CNTNAP5: variants seen among roughly 807,000 people sequenced by gnomAD.
CNTNAP5 encodes contactin associated protein family member 5, also known as contactin-associated protein-like 5.
Under a neutral mutation model 150.2 loss-of-function variants are expected in CNTNAP5, and 72 were observed. The observed-to-expected ratio is 0.48, with a 90% CI of 0.40 to 0.58. The LOEUF (loss-of-function observed/expected upper bound fraction) is 0.58. Among genes scored for constraint, CNTNAP5 ranks in the 20% least tolerant of loss-of-function variants. The pLI, the probability that CNTNAP5 is intolerant of heterozygous loss-of-function variation, is 0.00. For synonymous variants in CNTNAP5, 672 were observed against 619.8 expected (o/e 1.08, Z -1.25); for missense variants, 1,636 against 1,626.2 (o/e 1.01, Z -0.10).
chr2:124,813,974 A>G (rs141467276), intron 19 of CNTNAP5, among the ~76,000 whole-genome samples: 38 of 152,070 alleles, frequency 2.5e-4, no homozygotes, highest in African/African-American at 8.4e-4. Flanking sequence ...CTTTTAATTC[A>G]TTCTCCATTC....
intron 19 of CNTNAP5, among the ~76,000 whole-genome samples, chr2:124,806,083 A>G (rs1187828938): frequency 7.2e-5 from 11 of 152,218 alleles, no homozygotes; most frequent in East Asian, 1.9e-4. Context: ...CCATGTGCTC[A>G]TGGTAGAAAA....
At chr2:124,828,879 C>A (rs780730190) in intron 19 of CNTNAP5, among the ~76,000 whole-genome samples, 2 of 150,586 alleles carry the variant, frequency 1.3e-5, no homozygotes, top group Non-Finnish European at 2.9e-5. Context: ...TGTCAGACTT[C>A]TCTGACACAG....
chr2:124,677,427 G>A (rs1293655143), intron 13 of CNTNAP5, among the ~76,000 whole-genome samples: 1 of 152,222 alleles, frequency 6.6e-6, no homozygotes, highest in Non-Finnish European at 1.5e-5. Context: ...ACCTGAGCAG[G>A]TTGCTGCTGC....
rs1189575085 is a variant in CNTNAP5, at chr2:124,626,138, TG to T, written c.1876+16219del. 1.1e-4 allele frequency among the ~76,000 whole-genome samples: 16 copies of T among 152,222 alleles called. No homozygotes were observed. In the East Asian group the frequency reaches 3.1e-3, roughly 29 times the overall value. On this transcript the variant is annotated intron_variant, in intron 12 of 23. Coordinates refer to ENST00000682447, the MANE Select transcript of CNTNAP5 (RefSeq NM_001367498.1). ...AGCCAACATCATAGAATGATCTAGATGCTAAAGGAATTTAGAGACAGGAATA... is the reference window on the plus strand; with the variant it reads ...AGCCAACATCATAGAATGATCTAGATCTAAAGGAATTTAGAGACAGGAATA...
At chr2:124,054,380 A>T (rs1341535151) in intron 1 of CNTNAP5, among the ~76,000 whole-genome samples, 1 of 152,120 alleles carries the variant, frequency 6.6e-6, no homozygotes, top group African/African-American at 2.4e-5. Flanking sequence ...ATTAGAGCTG[A>T]TGCACTCGGA....
intron 10 of CNTNAP5, among the ~76,000 whole-genome samples, chr2:124,528,572 A>G (rs1695031214): frequency 6.6e-6 from 1 of 152,222 alleles, no homozygotes; most frequent in East Asian, 1.9e-4. Flanking sequence ...TCATAGTGGC[A>G]TATAAAATAA....
intron 13 of CNTNAP5, among the ~76,000 whole-genome samples, chr2:124,729,747 C>T (rs1293461858): frequency 6.6e-6 from 1 of 152,076 alleles, no homozygotes; most frequent in Non-Finnish European, 1.5e-5. Flanking sequence ...AAAATAACCA[C>T]ACCCTCTATT....
At chr2:124,336,582 C>A (rs548211464) in intron 3 of CNTNAP5, among the ~76,000 whole-genome samples, 1 of 134,906 alleles carries the variant, frequency 7.4e-6, no homozygotes, top group Non-Finnish European at 1.6e-5. Context: ...TGTCCATGTG[C>A]TCTCATTGCT....
At chr2:124,190,975 A>G (rs965597827) in intron 1 of CNTNAP5, among the ~76,000 whole-genome samples, 9 of 152,194 alleles carry the variant, frequency 5.9e-5, no homozygotes, top group African/African-American at 2.2e-4. Flanking sequence ...TTATCTTGCA[A>G]AAGTAGATCC....
intron 13 of CNTNAP5, among the ~76,000 whole-genome samples, chr2:124,691,714 CAGTTTTCTTCAATTAG>C (rs1219187721): frequency 6.6e-6 from 1 of 152,014 alleles, no homozygotes; most frequent in Non-Finnish European, 1.5e-5. Context: ...TCAGTGGTCC[CAGTTTTCTTCAATTAG>C]ACCATGAACT....
Position 124,882,347 on chromosome 2 carries a change from G to C in CNTNAP5, c.3436+12585G>C, listed in dbSNP as rs76262980. Among the ~76,000 whole-genome samples, 104 of 152,198 alleles carry C rather than the reference G, an allele frequency of 6.8e-4. 1 individual carries two copies. In the East Asian group the frequency reaches 0.017, roughly 25 times the overall value. ...CCAGGTGTGCTGAGATGACAGGAGG[G>C]GGGTGTGGGATTGTTTATTCCCTTA... On this transcript the variant is annotated intron_variant, in intron 21 of 23. Transcript: ENST00000682447.
chr2:124,849,075 TA>T (rs1683105018), intron 19 of CNTNAP5, among the ~76,000 whole-genome samples: 1 of 152,178 alleles, frequency 6.6e-6, no homozygotes, highest in African/African-American at 2.4e-5. Context: ...AGACTAATAT[TA>T]AGGAGTTTTT....
intron 13 of CNTNAP5, among the ~76,000 whole-genome samples, chr2:124,661,086 G>A (rs1437585064): frequency 6.6e-6 from 1 of 152,070 alleles, no homozygotes; most frequent in Non-Finnish European, 1.5e-5. Flanking sequence ...GAAGGTCTAG[G>A]AAATTACAAG....
intron 12 of CNTNAP5, among the ~76,000 whole-genome samples, chr2:124,611,706 C>T (rs577089394): frequency 6.6e-6 from 1 of 152,164 alleles, no homozygotes; most frequent in Non-Finnish European, 1.5e-5. Context: ...CAAATTGTCC[C>T]TGTTCCACTT....
At chr2:124,299,650 T>C (rs1688527649) in intron 3 of CNTNAP5, among the ~76,000 whole-genome samples, 1 of 152,178 alleles carries the variant, frequency 6.6e-6, no homozygotes, top group Admixed American at 6.5e-5. Context: ...AATGAACATG[T>C]GCGTGCGTGT....
At chr2:124,653,910 A>ACCCCCCCCCCC (rs1573525170) in intron 13 of CNTNAP5, among the ~76,000 whole-genome samples, 2 of 18,380 alleles carry the variant, frequency 1.1e-4, no homozygotes, top group Admixed American at 5.5e-4. Context: ...CACTGCCCCC[A>ACCCCCCCCCCC]ACCCCCCCCC....
At chr2:124,658,407 C>T (rs1465845326) in intron 13 of CNTNAP5, among the ~76,000 whole-genome samples, 2 of 152,016 alleles carry the variant, frequency 1.3e-5, no homozygotes, top group African/African-American at 4.8e-5. Flanking sequence ...TCTATATTCA[C>T]CACACAAAGT....
chr2:124,217,697 A>C (rs1383133561), intron 1 of CNTNAP5, among the ~76,000 whole-genome samples: 1 of 152,196 alleles, frequency 6.6e-6, no homozygotes, highest in Non-Finnish European at 1.5e-5. Flanking sequence ...GTGGAAGAGA[A>C]AAAAGATCCC....
At chr2:124,345,829 C>T (rs1343123854) in intron 3 of CNTNAP5, among the ~76,000 whole-genome samples, 2 of 152,116 alleles carry the variant, frequency 1.3e-5, no homozygotes, top group East Asian at 1.9e-4. Flanking sequence ...TTCTTTCCCT[C>T]CCTCTTGCTT....
Sources: allele counts gnomAD v4.1 joint callset (sites outside exome capture counted in the v4.1 genomes callset), GRCh38; gene constraint gnomAD v4.1.1; transcripts MANE v1.5; gene names NCBI Gene and HGNC (gene_info 2026-07-23, HGNC 2026-07-21).